The following DPY19L3 variants were observed in gnomAD, a reference collection of about 807,000 sequenced individuals.
DPY19L3 encodes the protein protein C-mannosyl-transferase DPY19L3.
Under a neutral mutation model 92.3 loss-of-function variants are expected in DPY19L3, and 51 were observed. The ratio of observed to expected loss-of-function variants is 0.55; its 90% CI spans 0.44 to 0.70. The LOEUF is 0.70. Among genes scored for constraint, DPY19L3 ranks in the 30% least tolerant of loss-of-function variants. The probability of loss-of-function intolerance (pLI) is 0.00; values close to 1 mark genes in which losing one functional copy is unlikely to be tolerated. For missense variants in DPY19L3, 706 were observed against 855.9 expected, an observed-to-expected ratio of 0.82 and a Z score of 2.18; for synonymous variants, 309 against 315.2, an observed-to-expected ratio of 0.98 and a Z score of 0.21.
intron 1 of DPY19L3, among the ~76,000 whole-genome samples, chr19:32,407,002 CTTTTTT>C (rs11428433): frequency 2.3e-5 from 3 of 132,236 alleles, no homozygotes; most frequent in Admixed American, 2.2e-4. Flanking sequence ...TGGCTTCCTG[CTTTTTT>C]TTTTTTTTTT....
At chr19:32,426,325 A>G (rs911963247) in intron 3 of DPY19L3, among the ~76,000 whole-genome samples, 4 of 152,224 alleles carry the variant, frequency 2.6e-5, no homozygotes, top group Non-Finnish European at 5.9e-5. Flanking sequence ...CGTATCAGCA[A>G]TGAGGCTGTT....
chr19:32,423,630 A>T (rs957550049), intron 3 of DPY19L3, among the ~76,000 whole-genome samples: 2 of 151,434 alleles, frequency 1.3e-5, no homozygotes, highest in Admixed American at 6.6e-5. Context: ...GAATGCCAAC[A>T]TAAGTAATAA....
At chr19:32,449,678 G>T (rs940098272) in intron 8 of DPY19L3, among the ~76,000 whole-genome samples, 1 of 152,194 alleles carries the variant, frequency 6.6e-6, no homozygotes. Context: ...AGAATTAATG[G>T]TGTTTTCAAC....
chr19:32,475,816 A>T (rs1250430577), intron 16 of DPY19L3, among the ~76,000 whole-genome samples: 1 of 152,160 alleles, frequency 6.6e-6, no homozygotes, highest in Non-Finnish European at 1.5e-5. Context: ...GCTAACATCT[A>T]TTTGTTCTTG....
intron 3 of DPY19L3, among the ~76,000 whole-genome samples, chr19:32,423,422 G>GTTTTTTTTTTTTTTTTTT (rs1599601418): frequency 3.1e-4 from 15 of 48,480 alleles, no homozygotes; most frequent in East Asian, 6.5e-4. Flanking sequence ...TTTTTTTTTG[G>GTTTTTTTTTTTTTTTTTT]TATTTTTAGT....
intron 3 of DPY19L3, chr19:32,411,621 G>A: frequency 2.3e-6 from 1 of 425,552 alleles, no homozygotes. Context: ...AGGCTGGAGT[G>A]CGGTGGCGCA....
rs745702094 is a variant in DPY19L3, at chr19:32,455,032, A to T, written c.1081A>T (p.Ile361Leu). Residue 361 changes from isoleucine (I) to leucine (L), a missense_variant, in exon 10 of 19, where the codon ATA becomes TTA. Transcript: ENST00000392250. ...VLCLTLFLNN[I>L]IKKILNLKSD... ...ATGTTTGACACTTTTTCTCAACAAC[A>T]TAATTAAGGTAAGTTAATAAAAATG... The T allele has an allele frequency of 6.6e-7, 1 of 1,523,464 alleles. No homozygotes were observed. Among genetic ancestry groups the T allele is most frequent in the Non-Finnish European group, 8.9e-7 (1 of 1,128,818 alleles). 94.4% of individuals were successfully genotyped at this position (1,523,464 alleles called of 1,614,324 possible).
rs1251461412 is a variant in DPY19L3 at position 32,482,673 on chromosome 19, G to C, written c.*433G>C. On this transcript the variant is annotated 3_prime_UTR_variant, in exon 19 of 19. Transcript: ENST00000392250. ...CGACTTATTTAATATGATTTCACTGGTGAAGACCAATTGGTAGCTTTTTAA... is the reference window on the plus strand; with the variant it reads ...CGACTTATTTAATATGATTTCACTGCTGAAGACCAATTGGTAGCTTTTTAA... 6.5e-6 allele frequency: 1 copy of C among 153,756 alleles called. No individual in the cohort carries two copies. The highest frequency in any genetic ancestry group is 1.4e-5 in the Non-Finnish European group (1 of 69,218). 9.5% of individuals were successfully genotyped at this position (153,756 alleles called of 1,614,324 possible).
At chr19:32,446,695 A>G (rs997579143) in intron 8 of DPY19L3, among the ~76,000 whole-genome samples, 3 of 152,218 alleles carry the variant, frequency 2.0e-5, no homozygotes, top group African/African-American at 4.8e-5. Flanking sequence ...TGCACCAAAC[A>G]ACAGTACTGC....
intron 8 of DPY19L3, among the ~76,000 whole-genome samples, chr19:32,449,344 C>T (rs1419453334): frequency 6.6e-6 from 1 of 152,060 alleles, no homozygotes. Context: ...ATGGCAGTGC[C>T]CCCCAAATTG....
intron 3 of DPY19L3, among the ~76,000 whole-genome samples, chr19:32,428,578 A>G (rs1968847533): frequency 6.6e-6 from 1 of 152,206 alleles, no homozygotes; most frequent in African/African-American, 2.4e-5. Context: ...AAGGCAGGCC[A>G]GAGTGACCAG....
chr19:32,441,680 T>C (rs1969329844), intron 8 of DPY19L3, among the ~76,000 whole-genome samples: 1 of 152,102 alleles, frequency 6.6e-6, no homozygotes, highest in South Asian at 2.1e-4. Flanking sequence ...GTATTTTTAG[T>C]AGAGACAGGG....
chr19:32,476,888 G>A (rs974140704), intron 16 of DPY19L3, among the ~76,000 whole-genome samples: 2 of 152,050 alleles, frequency 1.3e-5, no homozygotes, highest in African/African-American at 2.4e-5. Context: ...TTTTGTTGTT[G>A]TTGTTGTTGT....
chr19:32,425,025 C>A (rs116953374), intron 3 of DPY19L3, among the ~76,000 whole-genome samples: 4,793 of 152,208 alleles, frequency 0.031, 95 homozygotes, highest in Middle Eastern at 0.088. Flanking sequence ...TGGATATTCA[C>A]ATGCAAAAGA....
intron 3 of DPY19L3, among the ~76,000 whole-genome samples, chr19:32,422,792 T>A (rs187010180): frequency 6.6e-6 from 1 of 152,302 alleles, no homozygotes; most frequent in Non-Finnish European, 1.5e-5. Context: ...TTCTCTGAAG[T>A]TGCTGAACTT....
At chr19:32,440,696 A>G (rs1969294507) in intron 8 of DPY19L3, among the ~76,000 whole-genome samples, 1 of 152,220 alleles carries the variant, frequency 6.6e-6, no homozygotes, top group African/African-American at 2.4e-5. Flanking sequence ...AATGGGCACT[A>G]CAGAAAATGC....
rs142216289 is a variant in DPY19L3, at chr19:32,437,328, T to C, written c.585T>C (p.Tyr195=). 39 of 1,613,542 alleles carry C rather than the reference T, an allele frequency of 2.4e-5. No homozygotes were observed. In the African/African-American group the frequency reaches 5.1e-4, roughly 21 times the overall value. The change falls in exon 6 of 19, where the codon TAT becomes TAC. Residue 195 remains tyrosine, a synonymous_variant. Coordinates refer to ENST00000392250, the MANE Select transcript of DPY19L3 (RefSeq NM_001172774.2). ...WLSGLLAAFW[Y]VTNRIDTTRV... ...CAGGACTGTTGGCAGCTTTCTGGTATGTCACAAATAGGTGAGTTGGAGTCA... is the reference window on the plus strand; with the variant it reads ...CAGGACTGTTGGCAGCTTTCTGGTACGTCACAAATAGGTGAGTTGGAGTCA...
intron 9 of DPY19L3, among the ~76,000 whole-genome samples, chr19:32,454,661 C>T (rs1034605010): frequency 6.6e-6 from 1 of 152,126 alleles, no homozygotes; most frequent in Non-Finnish European, 1.5e-5. Flanking sequence ...CCCAATCCTC[C>T]TGTTTCTAAG....
At chr19:32,476,790 A>C (rs1970525393) in intron 16 of DPY19L3, among the ~76,000 whole-genome samples, 1 of 152,132 alleles carries the variant, frequency 6.6e-6, no homozygotes, top group Non-Finnish European at 1.5e-5. Flanking sequence ...GGTATATGTA[A>C]AATAATTGCG....
Sources: gnomAD v4.1 joint callset for allele counts (sites outside exome capture counted in the v4.1 genomes callset) on GRCh38, gnomAD v4.1.1 for gene constraint, MANE v1.5 for transcripts, NCBI Gene and HGNC (gene_info 2026-07-23, HGNC 2026-07-21) for gene names.